The following GREM2 variants were observed in gnomAD, a reference collection of about 807,000 sequenced individuals.
GREM2 encodes the protein gremlin 2, DAN family BMP antagonist, also known as gremlin-2.
In GREM2, 11 loss-of-function variants were observed where a neutral mutation model predicts 14.2. That is an observed-to-expected ratio of 0.78 (90% CI 0.49 to 1.28). GREM2 has a LOEUF of 1.28. Ranked by LOEUF, GREM2 falls within the 50% of genes most tolerant of loss-of-function variation. GREM2 has a pLI of 0.00. For missense variants in GREM2, 210 were observed against 218.5 expected, an observed-to-expected ratio of 0.96 and a Z score of 0.24; for synonymous variants, 98 against 97.6, an observed-to-expected ratio of 1.00 and a Z score of -0.02.
chr1:240,518,348 C>T (rs575051453), intron 1 of GREM2, among the ~76,000 whole-genome samples: 34 of 152,212 alleles, frequency 2.2e-4, no homozygotes, highest in African/African-American at 6.7e-4. Flanking sequence ...CAAAAATTGC[C>T]GTTTTGAAAT....
In GREM2 at chr1:240,611,284, C is replaced by T. The variant is rs942342405; in HGVS notation, c.-2+600G>A. On this transcript the variant is annotated intron_variant, in intron 1 of 1. Transcript: ENST00000318160. ...CTCGTAAGACAATGTAGAAATAAGT[C>T]AGGTACACAGGAAGGATCACTGACA... Among the ~76,000 whole-genome samples, 5 of 152,124 alleles carry T rather than the reference C, an allele frequency of 3.3e-5. No homozygotes were observed. The East Asian group carries it at 9.6e-4, about 29-fold the overall frequency.
intron 1 of GREM2, among the ~76,000 whole-genome samples, chr1:240,535,219 G>A (rs748004522): frequency 1.3e-5 from 2 of 152,046 alleles, no homozygotes; most frequent in Non-Finnish European, 2.9e-5. Context: ...TTATACCCAC[G>A]ATAACAATCT....
intron 1 of GREM2, among the ~76,000 whole-genome samples, chr1:240,521,763 T>C (rs1243022814): frequency 1.3e-5 from 2 of 152,134 alleles, no homozygotes; most frequent in African/African-American, 4.8e-5. Context: ...CAACATTTCA[T>C]ACACATTGGT....
chr1:240,522,878 C>CA (rs938430944), intron 1 of GREM2, among the ~76,000 whole-genome samples: 2 of 151,968 alleles, frequency 1.3e-5, no homozygotes, highest in Non-Finnish European at 2.9e-5. Flanking sequence ...AAATCACAAG[C>CA]AAAATCAAAG....
intron 1 of GREM2, among the ~76,000 whole-genome samples, chr1:240,578,383 C>T (rs2103373824): frequency 6.6e-6 from 1 of 152,146 alleles, no homozygotes; most frequent in East Asian, 1.9e-4. Flanking sequence ...ACTGTGGCCT[C>T]CCAAAATGCT....
At chr1:240,502,473 C>T (rs1175743035) in intron 1 of GREM2, among the ~76,000 whole-genome samples, 1 of 152,100 alleles carries the variant, frequency 6.6e-6, no homozygotes, top group Non-Finnish European at 1.5e-5. Context: ...TTTTCCATAA[C>T]CCTGTCTTCT....
intron 1 of GREM2, among the ~76,000 whole-genome samples, chr1:240,532,842 A>T (rs940666934): frequency 2.6e-5 from 4 of 152,238 alleles, no homozygotes. Flanking sequence ...TCCCAAAGTC[A>T]TGCACAGAAC....
chr1:240,548,472 G>A lies in GREM2; in HGVS notation c.-1-54996C>T, dbSNP rs142715500. On this transcript the variant is annotated intron_variant, in intron 1 of 1. Coordinates refer to ENST00000318160, the MANE Select transcript of GREM2 (RefSeq NM_022469.4). ...CTCTTATCATACTTAAGTATATATT[G>A]TATTACATTTGTGCAGAAAGACTTT... Among the ~76,000 whole-genome samples, 55 of 152,186 alleles carry A rather than the reference G, an allele frequency of 3.6e-4. No individual in the cohort carries two copies. The East Asian group carries it at 9.3e-3, about 26-fold the overall frequency.
chr1:240,523,713 T>C (rs983205161), intron 1 of GREM2, among the ~76,000 whole-genome samples: 1 of 152,166 alleles, frequency 6.6e-6, no homozygotes, highest in Admixed American at 6.5e-5. Flanking sequence ...AGGATTGCAA[T>C]GAAAAATCTT....
intron 1 of GREM2, among the ~76,000 whole-genome samples, chr1:240,519,461 A>C (rs1314019042): frequency 6.6e-6 from 1 of 151,994 alleles, no homozygotes; most frequent in East Asian, 1.9e-4. Context: ...TAAAATTCCC[A>C]TATTCCCACC....
At chr1:240,595,918 TTGA>T (rs1364313912) in intron 1 of GREM2, among the ~76,000 whole-genome samples, 9 of 152,298 alleles carry the variant, frequency 5.9e-5, no homozygotes, top group African/African-American at 1.9e-4. Context: ...GGGGAGTGAC[TTGA>T]TGATCTGGTT....
rs1305698453 is a variant in GREM2, at chr1:240,537,430, G to A, written c.-1-43954C>T. Among the ~76,000 whole-genome samples the A allele has an allele frequency of 2.0e-5, 3 of 152,256 alleles. No homozygotes were observed. The East Asian group carries it at 5.8e-4, about 29-fold the overall frequency. ...ACACAGAGATGGACACTTAAGAAGT[G>A]TAGTAGATGCAAAAAACAGCACTGA... On this transcript the variant is annotated intron_variant, in intron 1 of 1. Coordinates refer to ENST00000318160, the MANE Select transcript of GREM2 (RefSeq NM_022469.4).
At chr1:240,494,773 C>T (rs995048197) in intron 1 of GREM2, among the ~76,000 whole-genome samples, 8 of 151,968 alleles carry the variant, frequency 5.3e-5, no homozygotes, top group African/African-American at 1.9e-4. Flanking sequence ...TGGTGGCGGG[C>T]GCCTGTAGTC....
At chr1:240,598,934 CCCAT>C (rs147882767) in intron 1 of GREM2, among the ~76,000 whole-genome samples, 32,473 of 151,642 alleles carry the variant, frequency 0.21, 4,283 homozygotes, top group South Asian at 0.31. Context: ...CACTTACCCA[CCCAT>C]CCATCCATCC....
At position 240,490,486 on chromosome 1, in the gene GREM2, G is replaced by A. The variant is rs111300065; in HGVS notation, c.*2483C>T. 175 of 152,556 alleles carry A rather than the reference G, an allele frequency of 1.1e-3. No homozygotes were observed. Among genetic ancestry groups the A allele is most frequent in the African/African-American group, 3.6e-3 (148 of 41,510 alleles). 9.5% of individuals were successfully genotyped at this position (152,556 alleles called of 1,614,324 possible). A position where few individuals can be genotyped will look rare whatever the true frequency, so the allele number is the denominator to read the frequency against. On this transcript the variant is annotated 3_prime_UTR_variant, in exon 2 of 2. Coordinates refer to ENST00000318160, the MANE Select transcript of GREM2 (RefSeq NM_022469.4). ...TTCCACTTTTATGGCACGTCACACC[G>A]GGATCACATATAATCCTAGATTATC...
At chr1:240,500,893 G>A (rs970798355) in intron 1 of GREM2, among the ~76,000 whole-genome samples, 1 of 149,412 alleles carries the variant, frequency 6.7e-6, no homozygotes, top group African/African-American at 2.4e-5. Flanking sequence ...CTGGGTCACA[G>A]GATATGTACA....
intron 1 of GREM2, among the ~76,000 whole-genome samples, chr1:240,583,413 T>C (rs1679529362): frequency 6.6e-6 from 1 of 152,306 alleles, no homozygotes; most frequent in East Asian, 1.9e-4. Context: ...CTAGAAAATT[T>C]CCATTCATGG....
chr1:240,512,466 T>C (rs1677854226), intron 1 of GREM2, among the ~76,000 whole-genome samples: 1 of 31,168 alleles, frequency 3.2e-5, no homozygotes, highest in Non-Finnish European at 5.2e-5. Context: ...CTAAGGCTCT[T>C]TCCTTCTTTT....
At chr1:240,601,923 A>C (rs868500097) in intron 1 of GREM2, among the ~76,000 whole-genome samples, 93 of 152,110 alleles carry the variant, frequency 6.1e-4, no homozygotes, top group African/African-American at 2.2e-3. Context: ...AAAAAAAAAA[A>C]AAAAAAAAGG....
Sources: gnomAD v4.1 joint callset for allele counts (sites outside exome capture counted in the v4.1 genomes callset) on GRCh38, gnomAD v4.1.1 for gene constraint, MANE v1.5 for transcripts, NCBI Gene and HGNC (gene_info 2026-07-23, HGNC 2026-07-21) for gene names.